The following TSPAN5 variants were observed in gnomAD, a reference collection of about 807,000 sequenced individuals.
The protein encoded by TSPAN5 is tetraspanin-5.
TSPAN5 carries 10 observed loss-of-function variants against 37.1 expected under a neutral mutation model. The ratio of observed to expected loss-of-function variants is 0.27; its 90% CI spans 0.17 to 0.46. The LOEUF (loss-of-function observed/expected upper bound fraction) is 0.46, where lower values mean the gene tolerates loss of function less well. Ranked by LOEUF, TSPAN5 falls within the 20% of genes least tolerant of loss-of-function variation. The pLI is 1.00. For missense variants in TSPAN5, 195 were observed against 326.6 expected (o/e 0.60, Z 3.11); for synonymous variants, 110 against 118.9 (o/e 0.93, Z 0.48).
intron 1 of TSPAN5, among the ~76,000 whole-genome samples, chr4:98,587,517 G>A (rs1755518822): frequency 6.6e-6 from 1 of 152,098 alleles, no homozygotes; most frequent in South Asian, 2.1e-4. Context: ...GGCAGGGTTG[G>A]GGAAGACAAG....
intron 1 of TSPAN5, among the ~76,000 whole-genome samples, chr4:98,625,884 G>T (rs1756588987): frequency 6.6e-6 from 1 of 152,028 alleles, no homozygotes; most frequent in Non-Finnish European, 1.5e-5. Flanking sequence ...TCTGTGCCAG[G>T]TAAGTTTTAA....
intron 1 of TSPAN5, among the ~76,000 whole-genome samples, chr4:98,636,952 T>C (rs983826209): frequency 6.6e-5 from 10 of 151,740 alleles, no homozygotes; most frequent in Admixed American, 5.9e-4. Context: ...TGGTGTGAGG[T>C]TTCTTAGCCC....
intron 1 of TSPAN5, among the ~76,000 whole-genome samples, chr4:98,560,731 C>T (rs892297697): frequency 6.6e-6 from 1 of 152,084 alleles, no homozygotes. Context: ...CAGGGGAGCA[C>T]AATAAACTAA....
chr4:98,641,250 A>C (rs893093555), intron 1 of TSPAN5, among the ~76,000 whole-genome samples: 7 of 152,240 alleles, frequency 4.6e-5, no homozygotes, highest in African/African-American at 1.7e-4. Flanking sequence ...AAAAAACCAA[A>C]CAGGACATAT....
chr4:98,499,727 C>G (rs960720914), intron 2 of TSPAN5, among the ~76,000 whole-genome samples: 1 of 132,008 alleles, frequency 7.6e-6, no homozygotes, highest in Non-Finnish European at 1.5e-5. Flanking sequence ...GTGGCGTGAT[C>G]TGGGCTCACT....
At chr4:98,594,306 C>A (rs1272724190) in intron 1 of TSPAN5, among the ~76,000 whole-genome samples, 2 of 110,652 alleles carry the variant, frequency 1.8e-5, no homozygotes, top group African/African-American at 4.8e-5. Flanking sequence ...TGAGACTTTG[C>A]TGAAGTTGCT....
intron 1 of TSPAN5, among the ~76,000 whole-genome samples, chr4:98,614,784 T>A (rs1039996797): frequency 6.6e-6 from 1 of 152,202 alleles, no homozygotes; most frequent in African/African-American, 2.4e-5. Context: ...ACGAATGCCA[T>A]CTTCTTTCAA....
chr4:98,653,495 T>G (rs575170161), intron 1 of TSPAN5, among the ~76,000 whole-genome samples: 46 of 152,286 alleles, frequency 3.0e-4, no homozygotes, highest in Non-Finnish European at 5.4e-4. Context: ...TTCCACCGTT[T>G]CCATTGAGTT....
At chr4:98,484,359 T>C (rs1045541477) in intron 3 of TSPAN5, 11 of 439,556 alleles carry the variant, frequency 2.5e-5, no homozygotes, top group African/African-American at 1.6e-4. Flanking sequence ...TTAGAGCTAT[T>C]TGGAGTCCTG....
chr4:98,486,061 C>T (rs79689599), intron 3 of TSPAN5, among the ~76,000 whole-genome samples: 2,503 of 152,254 alleles, frequency 0.016, 45 homozygotes, highest in Non-Finnish European at 0.028. Flanking sequence ...GATACATAAA[C>T]GGCACATGCC....
intron 5 of TSPAN5, among the ~76,000 whole-genome samples, chr4:98,478,047 A>G (rs1752746755): frequency 2.0e-5 from 3 of 152,178 alleles, no homozygotes; most frequent in Admixed American, 2.0e-4. Context: ...AGTGACTTAC[A>G]AATAGATTTT....
chr4:98,508,576 G>A (rs970585227), intron 1 of TSPAN5, among the ~76,000 whole-genome samples: 2 of 144,826 alleles, frequency 1.4e-5, no homozygotes, highest in South Asian at 4.4e-4. Flanking sequence ...ACAGGCTGGA[G>A]TGCAGTGGCT....
At chr4:98,590,923 AAC>A (rs1261220737) in intron 1 of TSPAN5, among the ~76,000 whole-genome samples, 2 of 152,176 alleles carry the variant, frequency 1.3e-5, no homozygotes, top group Non-Finnish European at 2.9e-5. Flanking sequence ...GGCAAGCAGG[AAC>A]ACACACTTTG....
At chr4:98,537,326 G>A (rs879761543) in intron 1 of TSPAN5, among the ~76,000 whole-genome samples, 3 of 152,154 alleles carry the variant, frequency 2.0e-5, no homozygotes, top group Non-Finnish European at 4.4e-5. Context: ...TGCACCCGCT[G>A]TCCAACCAGT....
intron 1 of TSPAN5, among the ~76,000 whole-genome samples, chr4:98,542,622 G>A (rs921930839): frequency 6.6e-6 from 1 of 151,434 alleles, no homozygotes; most frequent in African/African-American, 2.4e-5. Context: ...AGAAGACTGA[G>A]GCAGGAGGAT....
At position 98,472,502 on chromosome 4, in the gene TSPAN5, C is replaced by A; in HGVS notation, c.*20G>T. 2 of 1,613,402 alleles carry A rather than the reference C, an allele frequency of 1.2e-6. No homozygotes were observed. The highest frequency in any genetic ancestry group is 1.7e-6 in the Non-Finnish European group (2 of 1,179,572). On this transcript the variant is annotated 3_prime_UTR_variant, in exon 8 of 8. Transcript: ENST00000305798. Reference sequence around the variant, plus strand: ...AAAGCTGGGTCTGTCCAGTGTCTTGCAGCAGCGGTTGCAGGGGGTCTACCA... The same window carrying A: ...AAAGCTGGGTCTGTCCAGTGTCTTGAAGCAGCGGTTGCAGGGGGTCTACCA...
intron 1 of TSPAN5, among the ~76,000 whole-genome samples, chr4:98,542,191 C>T (rs1754374287): frequency 6.6e-6 from 1 of 152,194 alleles, no homozygotes; most frequent in Non-Finnish European, 1.5e-5. Flanking sequence ...CACACAGCCC[C>T]ACCTAAGTGT....
At chr4:98,643,308 C>T (rs1430139402) in intron 1 of TSPAN5, among the ~76,000 whole-genome samples, 2 of 152,100 alleles carry the variant, frequency 1.3e-5, no homozygotes, top group African/African-American at 4.8e-5. Flanking sequence ...GTAGGCTACA[C>T]ACCGTCTATG....
intron 1 of TSPAN5, among the ~76,000 whole-genome samples, chr4:98,626,860 C>G (rs373844889): frequency 6.9e-6 from 1 of 144,024 alleles, no homozygotes; most frequent in African/African-American, 2.6e-5. Context: ...TTACCCTCCA[C>G]TAAAATGTAA....
Sources: allele counts gnomAD v4.1 joint callset (sites outside exome capture counted in the v4.1 genomes callset), GRCh38; gene constraint gnomAD v4.1.1; transcripts MANE v1.5; gene names NCBI Gene and HGNC (gene_info 2026-07-23, HGNC 2026-07-21).